The following TMC3 variants were observed in gnomAD, a reference collection of about 807,000 sequenced individuals.
The protein encoded by TMC3 is transmembrane channel-like protein 3.
In TMC3, 98 loss-of-function variants were observed where a neutral mutation model predicts 110.6. That is an observed-to-expected ratio of 0.89 (90% CI 0.75 to 1.05). The LOEUF is 1.05. Among genes scored for constraint, TMC3 ranks in the 50% least tolerant of loss-of-function variants. The pLI, the probability that TMC3 is intolerant of heterozygous loss-of-function variation, is 0.00. For synonymous variants in TMC3, 489 were observed against 513.1 expected, an observed-to-expected ratio of 0.95 and a Z score of 0.63; for missense variants, 1,319 against 1,373.2, an observed-to-expected ratio of 0.96 and a Z score of 0.62.
rs1400499495 is a variant in TMC3, at chr15:81,359,473, TA to T, written c.395-3del. ...AGGCAACGCCAGATCCAAAATGACC[TA>T]AAGAAAGACAAGATAATGAGAACAG... On this transcript the variant is annotated splice_region_variant and splice_polypyrimidine_tract_variant and intron_variant, in intron 4 of 21. Transcript: ENST00000359440. The T allele has an allele frequency of 6.4e-7, 1 of 1,563,712 alleles. No individual in the cohort carries two copies. The highest frequency in any genetic ancestry group is 8.7e-7 in the Non-Finnish European group (1 of 1,153,960).
At chr15:81,342,421 TAGC>T (rs1161939833) in intron 15 of TMC3, among the ~76,000 whole-genome samples, 1 of 152,220 alleles carries the variant, frequency 6.6e-6, no homozygotes, top group Non-Finnish European at 1.5e-5. Context: ...GGGAAAATAA[TAGC>T]AGTTACTTCA....
intron 19 of TMC3, among the ~76,000 whole-genome samples, chr15:81,336,985 C>A (rs145853627): frequency 6.6e-6 from 1 of 152,150 alleles, no homozygotes; most frequent in East Asian, 1.9e-4. Flanking sequence ...TATGTTTCCA[C>A]CAAAATGGCC....
intron 3 of TMC3, among the ~76,000 whole-genome samples, chr15:81,364,529 T>G: frequency 1.2e-5 from 1 of 86,232 alleles, no homozygotes. Context: ...CTGGGGACTG[T>G]GGTGGGGTCG....
chr15:81,333,955 A>G (rs1013787302), intron 21 of TMC3, among the ~76,000 whole-genome samples: 1 of 151,486 alleles, frequency 6.6e-6, no homozygotes, highest in African/African-American at 2.4e-5. Context: ...GCACCACTGC[A>G]CTCCAGCCTG....
In TMC3 at chr15:81,359,379, T is replaced by C. The variant is rs771245755; in HGVS notation, c.487A>G (p.Ile163Val). The C allele has an allele frequency of 6.2e-6, 10 of 1,602,082 alleles. No homozygotes were observed. Among genetic ancestry groups the C allele is most frequent in the Middle Eastern group, 1.6e-4 (1 of 6,062 alleles). ...AAACATCTTACCTCTGGAATGACAA[T>C]AAAAGCACCTGTCATAATGGTGAGC... ...IVLTIMTGAF[I>V]VIPELIAGQP... Residue 163 changes from isoleucine to valine, a missense_variant, in exon 5 of 22, where the codon ATT becomes GTT. Ile to Val is a conservative substitution (Grantham distance 29). Coordinates refer to ENST00000359440, the MANE Select transcript of TMC3 (RefSeq NM_001080532.3).
In TMC3 at chr15:81,372,639, T is replaced by C. The variant is rs1309560411; in HGVS notation, c.188A>G (p.Asn63Ser). 1.6e-5 allele frequency: 26 copies of C among 1,613,800 alleles called. No homozygotes were observed. The highest frequency in any genetic ancestry group is 2.2e-5 in the Non-Finnish European group (26 of 1,179,880). Residue 63 changes from asparagine to serine, a missense_variant, in exon 2 of 22, where the codon AAC becomes AGC. Transcript: ENST00000359440. The stretch of plus-strand genomic sequence containing the variant: ...CATAGTCCAGGGTCTGCAGCGAATG[T>C]TTGCCATGAGATCTTTCTGGAACTG... ...NIQFQKDLMA[N>S]IRCRPWTMGQ...
rs201537668 is a variant in TMC3 at position 81,373,950 on chromosome 15, C to G, written c.89+39G>C. 1.8e-5 allele frequency: 28 copies of G among 1,592,982 alleles called. No homozygotes were observed. In the African/African-American group the frequency reaches 3.6e-4, roughly 21 times the overall value. Reference sequence around the variant, plus strand: ...ACCCATGCATTCCTTCCTCACACACCTGACTCCTCTGCCCAGCTGATGAAT... The same window carrying G: ...ACCCATGCATTCCTTCCTCACACACGTGACTCCTCTGCCCAGCTGATGAAT... On this transcript the variant is annotated intron_variant, in intron 1 of 21. Transcript: ENST00000359440.
chr15:81,334,678 C>G, intron 21 of TMC3, 42 bp downstream of exon 21: 4 of 1,580,112 alleles, frequency 2.5e-6, no homozygotes, highest in Non-Finnish European at 3.4e-6. Flanking sequence ...CTTCAAATCT[C>G]TCACATTCCA....
chr15:81,358,526 G>A, intron 5 of TMC3, 26 bp from the exon 6 acceptor site: 1 of 1,579,990 alleles, frequency 6.3e-7, no homozygotes, highest in African/African-American at 1.3e-5. Context: ...AGCATGTCAT[G>A]TGGTCCTCTG....
intron 3 of TMC3, among the ~76,000 whole-genome samples, chr15:81,363,909 G>A (rs181378931): frequency 1.5e-4 from 23 of 152,256 alleles, no homozygotes; most frequent in Admixed American, 3.9e-4. Flanking sequence ...TCTCTGGCCC[G>A]TTTTAAAGCC....
intron 16 of TMC3, 98 bp downstream of exon 16, chr15:81,341,292 G>T: frequency 7.7e-7 from 1 of 1,302,810 alleles, no homozygotes. Flanking sequence ...GAAGAGAGTT[G>T]GGGGGACCCT....
intron 15 of TMC3, among the ~76,000 whole-genome samples, chr15:81,342,085 G>C (rs1026985975): frequency 1.3e-5 from 2 of 152,192 alleles, no homozygotes; most frequent in Non-Finnish European, 2.9e-5. Context: ...AAACCTGGGA[G>C]ATTTGGGGAA....
intron 12 of TMC3, 147 bp from the exon 13 acceptor site, chr15:81,345,158 C>A (rs981788527): frequency 7.2e-7 from 1 of 1,391,028 alleles, no homozygotes. Context: ...TCTTTCTAGA[C>A]CATCACTTGA....
chr15:81,358,113 G>T (rs141011835), intron 7 of TMC3, 36 bp downstream of exon 7: 20 of 1,537,718 alleles, frequency 1.3e-5, no homozygotes, highest in Non-Finnish European at 1.8e-5. Context: ...ATATCATAAC[G>T]CTTGATATGT....
In TMC3 at chr15:81,333,049, A is replaced by G. The variant is rs370641374; in HGVS notation, c.2673T>C (p.Asn891=). 4.6e-5 allele frequency: 74 copies of G among 1,613,868 alleles called. 1 individual carries two copies. The highest frequency in any genetic ancestry group is 5.7e-5 in the Non-Finnish European group (67 of 1,179,894). The change falls in exon 22 of 22, where the codon AAT becomes AAC. Residue 891 remains asparagine, a synonymous_variant. Transcript: ENST00000359440. ...RPHAPRYYVI[N]ECDSYKKKHL... is the part of the protein sequence containing the mutation. ...GTTTTTTCTTGTAAGAGTCACATTC[A>G]TTAATGACATAGTATCTGGGGGCGT...
rs1380938229 is a variant in TMC3, at chr15:81,356,592, A to G, written c.746T>C (p.Met249Thr). 3.2e-6 allele frequency: 5 copies of G among 1,586,632 alleles called. No homozygotes were observed. The highest frequency in any genetic ancestry group is 2.3e-5 in the South Asian group (2 of 86,322). ...AAGACTCGTGCGGGAGTTCTTAGCC[A>G]TCCTGCAAAAGAGGAGCACAAACAG... ...AYSFIILLKK[M>T]AKNSRTSLAS... Residue 249 changes from methionine to threonine, a missense_variant and splice_region_variant, in exon 8 of 22, where the codon ATG becomes ACG. Met to Thr is a moderately conservative substitution (Grantham distance 81). Coordinates refer to ENST00000359440, the MANE Select transcript of TMC3 (RefSeq NM_001080532.3).
At chr15:81,356,335 G>A in intron 8 of TMC3, 112 bp downstream of exon 8, 5 of 1,229,184 alleles carry the variant, frequency 4.1e-6, no homozygotes, top group African/African-American at 1.5e-5. Context: ...AACTGCCCTG[G>A]ACAATGAACA....
In TMC3 at chr15:81,348,498, G is replaced by A. The variant is rs369718705; in HGVS notation, c.1193+960C>T. 3.7e-4 allele frequency among the ~76,000 whole-genome samples: 57 copies of A among 152,328 alleles called. No individual in the cohort carries two copies. In the East Asian group the frequency reaches 9.1e-3, roughly 24 times the overall value. On this transcript the variant is annotated intron_variant, in intron 11 of 21. Coordinates refer to ENST00000359440, the MANE Select transcript of TMC3 (RefSeq NM_001080532.3). Reference sequence around the variant, plus strand: ...GATAAAGCCAGTGCTCAAAATGAGTGTGGTTGTTCTGACTCCCATAGAAGG... The same window carrying A: ...GATAAAGCCAGTGCTCAAAATGAGTATGGTTGTTCTGACTCCCATAGAAGG...
intron 14 of TMC3, among the ~76,000 whole-genome samples, chr15:81,343,572 T>A (rs750381898): frequency 6.6e-5 from 10 of 152,064 alleles, no homozygotes; most frequent in Non-Finnish European, 1.2e-4. Flanking sequence ...GAGGATCACT[T>A]GTAGTCAGGA....
Sources: gnomAD v4.1 joint callset for allele counts (sites outside exome capture counted in the v4.1 genomes callset) on GRCh38, gnomAD v4.1.1 for gene constraint, MANE v1.5 for transcripts, NCBI Gene and HGNC (gene_info 2026-07-23, HGNC 2026-07-21) for gene names.